The following LARP1 variants were observed in gnomAD, a reference collection of about 807,000 sequenced individuals.
LARP1 encodes la-related protein 1.
In LARP1, 36 loss-of-function variants were observed where a neutral mutation model predicts 122.7. That is an observed-to-expected ratio of 0.29 (90% confidence interval 0.22 to 0.39). The LOEUF (loss-of-function observed/expected upper bound fraction) is 0.39, where lower values mean the gene tolerates loss of function less well. LARP1 is among the 10% of genes least tolerant of loss of function. The probability of loss-of-function intolerance (pLI) is 1.00; values close to 1 mark genes in which losing one functional copy is unlikely to be tolerated. For synonymous variants in LARP1, 539 were observed against 528.7 expected, an observed-to-expected ratio of 1.02 and a Z score of -0.27; for missense variants, 1,040 against 1,403.6, an observed-to-expected ratio of 0.74 and a Z score of 4.14.
chr5:154,697,690 A>G (rs1203886143), intron 1 of LARP1, among the ~76,000 whole-genome samples: 1 of 152,246 alleles, frequency 6.6e-6, no homozygotes. Context: ...TTCCATTTAT[A>G]TGAATGTCCA....
intron 1 of LARP1, among the ~76,000 whole-genome samples, chr5:154,767,752 G>A (rs1049047597): frequency 3.9e-5 from 6 of 152,168 alleles, no homozygotes; most frequent in African/African-American, 7.2e-5. Context: ...CCTGTTCTGC[G>A]TGTGTATTAA....
At chr5:154,745,483 TAATTC>T (rs1264721360) in intron 1 of LARP1, among the ~76,000 whole-genome samples, 3 of 152,344 alleles carry the variant, frequency 2.0e-5, no homozygotes, top group Non-Finnish European at 4.4e-5. Context: ...TTGGGTGTAT[TAATTC>T]AATCCCTACA....
intron 1 of LARP1, among the ~76,000 whole-genome samples, chr5:154,776,180 G>A (rs904078591): frequency 6.6e-6 from 1 of 152,184 alleles, no homozygotes; most frequent in Non-Finnish European, 1.5e-5. Context: ...AGAGCATTGG[G>A]TGAGCAAACA....
At chr5:154,686,121 C>T (rs576795841) in intron 1 of LARP1, among the ~76,000 whole-genome samples, 44 of 152,276 alleles carry the variant, frequency 2.9e-4, no homozygotes, top group African/African-American at 9.9e-4. Context: ...GTGCTTAGTA[C>T]GGTTCCTGCA....
chr5:154,749,682 C>T (rs2113504790), intron 1 of LARP1, among the ~76,000 whole-genome samples: 1 of 152,198 alleles, frequency 6.6e-6, no homozygotes, highest in Middle Eastern at 3.4e-3. Flanking sequence ...TTTTTTTTGG[C>T]CAAGGCCCCT....
intron 1 of LARP1, among the ~76,000 whole-genome samples, chr5:154,740,981 T>TGGG (rs1752847580): frequency 1.3e-5 from 2 of 152,118 alleles, no homozygotes; most frequent in Non-Finnish European, 2.9e-5. Context: ...CCCACCATCC[T>TGGG]CTCCTCAGGG....
At chr5:154,749,881 T>G (rs764752562) in intron 1 of LARP1, among the ~76,000 whole-genome samples, 20 of 152,242 alleles carry the variant, frequency 1.3e-4, no homozygotes, top group Non-Finnish European at 2.1e-4. Flanking sequence ...TAAGCACAGA[T>G]AACTCAAGGA....
intron 1 of LARP1, among the ~76,000 whole-genome samples, chr5:154,772,379 C>T (rs1350605548): frequency 6.6e-6 from 1 of 152,072 alleles, no homozygotes; most frequent in East Asian, 1.9e-4. Flanking sequence ...CATTGGATAG[C>T]GTATTTCAAG....
intron 18 of LARP1, among the ~76,000 whole-genome samples, chr5:154,812,216 T>C (rs1349328138): frequency 2.0e-5 from 3 of 152,154 alleles, no homozygotes; most frequent in Admixed American, 2.0e-4. Flanking sequence ...TATAATGTAG[T>C]AGAGATGTCT....
At chr5:154,717,205 T>C (rs541495903) in intron 1 of LARP1, among the ~76,000 whole-genome samples, 2 of 152,038 alleles carry the variant, frequency 1.3e-5, no homozygotes, top group African/African-American at 4.8e-5. Flanking sequence ...ACAACCAACT[T>C]GAGCTGCTGC....
At position 154,816,786 on chromosome 5, in the gene LARP1, G is replaced by A. The variant is rs1252406566; in HGVS notation, c.*2690G>A. ...TGTTCATCCTATCCCTTCCAAGGTT[G>A]GTCCATGCCAACATAACCTCTGGGC... is the stretch of plus-strand genomic sequence containing the variant. On this transcript the variant is annotated 3_prime_UTR_variant, in exon 19 of 19. Transcript: ENST00000518297. The A allele has an allele frequency of 1.3e-5, 2 of 152,262 alleles. No homozygotes were observed. Among genetic ancestry groups the A allele is most frequent in the Non-Finnish European group, 2.9e-5 (2 of 68,076 alleles). 9.4% of individuals were successfully genotyped at this position (152,262 alleles called of 1,614,324 possible). A position where few individuals can be genotyped will look rare whatever the true frequency, so the allele number is the denominator to read the frequency against.
At chr5:154,801,402 A>AT (rs1343940260) in intron 10 of LARP1, among the ~76,000 whole-genome samples, 1 of 152,194 alleles carries the variant, frequency 6.6e-6, no homozygotes, top group Non-Finnish European at 1.5e-5. Context: ...AGCCTTTACC[A>AT]TACCACAATG....
Position 154,790,257 on chromosome 5 carries a change from G to T in LARP1, c.437-68G>T. ...AGGTGGAGTGGGGACGGTGATGAGG[G>T]TGAGGAGCTGGCAGTAGCCCCCTCA... On this transcript the variant is annotated intron_variant, in intron 1 of 18. Coordinates refer to ENST00000518297, the MANE Select transcript of LARP1 (RefSeq NM_033551.3). The T allele has an allele frequency of 3.7e-6, 5 of 1,355,372 alleles. No individual in the cohort carries two copies. The South Asian group carries it at 6.3e-5, about 17-fold the overall frequency. 84.0% of individuals were successfully genotyped at this position (1,355,372 alleles called of 1,614,324 possible).
chr5:154,687,463 G>A lies in LARP1; in HGVS notation c.-180+4426G>A, dbSNP rs939378240. ...GTGGCGTGATCTCGGCTCACTGCAA[G>A]CTCCGCCTCCTGGGTTCACACCATT... is the stretch of plus-strand genomic sequence containing the variant. On this transcript the variant is annotated intron_variant, in intron 1 of 18. Transcript: ENST00000687700. Among the ~76,000 whole-genome samples the A allele has an allele frequency of 3.9e-5, 6 of 152,134 alleles. No individual in the cohort carries two copies. In the East Asian group the frequency reaches 1.2e-3, roughly 29 times the overall value.
chr5:154,721,255 G>A (rs1042797664), intron 1 of LARP1, among the ~76,000 whole-genome samples: 2 of 151,102 alleles, frequency 1.3e-5, no homozygotes, highest in African/African-American at 4.9e-5. Context: ...GCTGAGGTGG[G>A]AAGATCCCTT....
At chr5:154,748,864 T>A (rs970328556) in intron 1 of LARP1, among the ~76,000 whole-genome samples, 2 of 152,214 alleles carry the variant, frequency 1.3e-5, no homozygotes, top group Non-Finnish European at 2.9e-5. Context: ...CTATGTTATA[T>A]GAATGGAGGC....
rs1759679588 is a variant in LARP1 at position 154,816,529 on chromosome 5, CCTTT to C, written c.*2434_*2437del. ...GGTAGGGGAGCTTTTTCTTTTCTTT[CCTTT>C]TTTTTTGTTTTTGTTTTTGTTTTTG... On this transcript the variant is annotated 3_prime_UTR_variant, in exon 19 of 19. Transcript: ENST00000518297. 6.6e-6 allele frequency: 1 copy of C among 152,542 alleles called. No homozygotes were observed. The highest frequency in any genetic ancestry group is 2.4e-5 in the African/African-American group (1 of 41,412). 9.4% of individuals were successfully genotyped at this position (152,542 alleles called of 1,614,324 possible).
chr5:154,755,356 C>G (rs1224805820), upstream of LARP1, among the ~76,000 whole-genome samples: 6 of 150,450 alleles, frequency 4.0e-5, no homozygotes, highest in South Asian at 1.0e-3. Flanking sequence ...CTGCTTGGCT[C>G]GCCGCGCCTC....
At chr5:154,755,233 C>T (rs1753742533), upstream of LARP1, among the ~76,000 whole-genome samples, 1 of 103,458 alleles carries the variant, frequency 9.7e-6, no homozygotes, top group South Asian at 3.4e-4. Context: ...GCCTCCTGCC[C>T]GCCCGTCGCC....
Sources: allele counts gnomAD v4.1 joint callset (sites outside exome capture counted in the v4.1 genomes callset), GRCh38; gene constraint gnomAD v4.1.1; transcripts MANE v1.5; gene names NCBI Gene and HGNC (gene_info 2026-07-23, HGNC 2026-07-21).